DUOX2: variants seen among roughly 807,000 people sequenced by gnomAD.
The protein encoded by DUOX2 is dual oxidase 2.
Under a neutral mutation model 183.3 loss-of-function variants are expected in DUOX2, and 185 were observed. The observed-to-expected ratio is 1.01, with a 90% CI of 0.90 to 1.14. The LOEUF (loss-of-function observed/expected upper bound fraction) is 1.14, where lower values mean the gene tolerates loss of function less well. Among genes scored for constraint, DUOX2 ranks in the 50% most tolerant of loss-of-function variants. The probability of loss-of-function intolerance (pLI) is 0.00; values close to 1 mark genes in which losing one functional copy is unlikely to be tolerated. For missense variants in DUOX2, 1,999 were observed against 2,022.9 expected (o/e 0.99, Z 0.23); for synonymous variants, 788 against 812.4 (o/e 0.97, Z 0.51).
rs556008835 is a variant in DUOX2, at chr15:45,094,602, G to C, written c.4485C>G (p.Phe1495Leu). The C allele has an allele frequency of 1.2e-6, 2 of 1,614,034 alleles. No individual in the cohort carries two copies. Among genetic ancestry groups the C allele is most frequent in the East Asian group, 4.5e-5 (2 of 44,872 alleles). Residue 1495 changes from phenylalanine to leucine, a missense_variant, in exon 33 of 34, where the codon TTC becomes TTG. By Grantham distance (22) the Phe-to-Leu change is conservative. Coordinates refer to ENST00000389039, the MANE Select transcript of DUOX2 (RefSeq NM_001363711.2). The stretch of plus-strand genomic sequence containing the variant: ...CCTGCAGGGAGTTGAAGAAGGGCTC[G>C]AAGGGGGGACGGCCAAAGTGGGTGA... ...RSITHFGRPP[F>L]EPFFNSLQEV...
At position 45,108,142 on chromosome 15, in the gene DUOX2, AT is replaced by A. The variant is rs751410726; in HGVS notation, c.1478del (p.His493LeufsTer93). On this transcript the variant is annotated frameshift_variant, in exon 13 of 34. Transcript: ENST00000389039. LOFTEE classifies it high-confidence loss of function. ...ELLLGGLLES[H>X]GDPGPLFSAI... ...CACTGAACAGGGGTCCAGGGTCCCC[AT>A]GGCTCTCCAGGAGCCCCCCAAGGAG... 2.5e-6 allele frequency: 4 copies of A among 1,614,122 alleles called. No homozygotes were observed. In the Admixed American group the frequency reaches 6.7e-5, roughly 27 times the overall value.
chr15:45,108,433 A>G, intron 12 of DUOX2: 1 of 625,670 alleles, frequency 1.6e-6, no homozygotes, highest in Non-Finnish European at 2.8e-6. Context: ...CAGGTGCCCT[A>G]GGACCATATC....
At chr15:45,101,724 C>A in intron 21 of DUOX2, 69 bp downstream of exon 21, 1 of 1,602,152 alleles carries the variant, frequency 6.2e-7, no homozygotes, top group Non-Finnish European at 8.6e-7. Flanking sequence ...CTGGGTCCTG[C>A]CCACCAGGAA....
At chr15:45,106,103 G>A (rs1410512966) in intron 17 of DUOX2, 22 bp downstream of exon 17, 1 of 1,613,580 alleles carries the variant, frequency 6.2e-7, no homozygotes, top group Non-Finnish European at 8.5e-7. Flanking sequence ...AGCCCAGGCT[G>A]GGGAGGCAGG....
At chr15:45,098,535 G>T (rs1893968557) in intron 26 of DUOX2, among the ~76,000 whole-genome samples, 1 of 152,204 alleles carries the variant, frequency 6.6e-6, no homozygotes, top group Non-Finnish European at 1.5e-5. Flanking sequence ...GGCAAGCTGT[G>T]TGTCAGGTAT....
chr15:45,096,796 C>T (rs972317409), intron 29 of DUOX2, among the ~76,000 whole-genome samples: 11 of 152,146 alleles, frequency 7.2e-5, no homozygotes, highest in Admixed American at 6.5e-4. Flanking sequence ...TCATCTTTTG[C>T]CACCCTCTAT....
intron 25 of DUOX2, 79 bp from the exon 26 acceptor site, chr15:45,099,561 G>C: frequency 6.3e-7 from 1 of 1,580,628 alleles, no homozygotes; most frequent in Non-Finnish European, 8.7e-7. Flanking sequence ...GGAGGCATAG[G>C]GAGGAGAGAT....
At chr15:45,113,591 C>T (rs563716283) in intron 1 of DUOX2, 166 bp from the exon 2 acceptor site, 22 of 638,990 alleles carry the variant, frequency 3.4e-5, no homozygotes, top group African/African-American at 2.7e-4. Context: ...TTCATCCAAA[C>T]GCCACTCTTT....
In DUOX2 at chr15:45,094,972, C is replaced by T. The variant is rs763844346; in HGVS notation, c.4359G>A (p.Gln1453=). The T allele has an allele frequency of 6.2e-7, 1 of 1,614,194 alleles. No individual in the cohort carries two copies. The highest frequency in any genetic ancestry group is 1.7e-5 in the Admixed American group (1 of 60,028). ...DLVSVHIYVT[Q]LAEKFDLRTT... ...TCCTGAGGTCGAACTTCTCAGCCAG[C>T]TGGGTGACATAAATGTGCACAGACA... Residue 1453 remains glutamine, a synonymous_variant, in exon 32 of 34, where the codon CAG becomes CAA. Transcript: ENST00000389039.
intron 10 of DUOX2, 23 bp from the exon 11 acceptor site, chr15:45,109,649 A>C: frequency 6.2e-7 from 1 of 1,611,552 alleles, no homozygotes; most frequent in Non-Finnish European, 8.5e-7. Context: ...AATGCACTCA[A>C]GATAGGCCTC....
At position 45,093,910 on chromosome 15, in the gene DUOX2, C is replaced by T. The variant is rs910502137; in HGVS notation, c.*240G>A. ...GTCTGGAGGGCTGCAGGAATGGTGCCGTTGATAAACAGGTGGACTTATAAT... is the reference window on the plus strand; with the variant it reads ...GTCTGGAGGGCTGCAGGAATGGTGCTGTTGATAAACAGGTGGACTTATAAT... On this transcript the variant is annotated 3_prime_UTR_variant, in exon 34 of 34. Coordinates refer to ENST00000389039, the MANE Select transcript of DUOX2 (RefSeq NM_001363711.2). The T allele has an allele frequency of 1.1e-5, 6 of 528,398 alleles. No homozygotes were observed. The highest frequency in any genetic ancestry group is 3.1e-5 in the Admixed American group (1 of 32,000). 32.7% of individuals were successfully genotyped at this position (528,398 alleles called of 1,614,324 possible).
chr15:45,107,086 C>T lies in DUOX2; in HGVS notation c.1694-117G>A, dbSNP rs1323816300. On this transcript the variant is annotated intron_variant, in intron 14 of 33. Transcript: ENST00000389039. ...TCATCTGTCTTCCCCAGGCCCACCT[C>T]CCTGAAACTGTCTCCCTCAAAAAGT... 8.3e-5 allele frequency: 119 copies of T among 1,439,388 alleles called. 1 individual carries two copies. Among genetic ancestry groups the T allele is most frequent in the Non-Finnish European group, 1.0e-4 (108 of 1,046,084 alleles). 89.2% of individuals were successfully genotyped at this position (1,439,388 alleles called of 1,614,324 possible).
chr15:45,101,676 T>G lies in DUOX2; in HGVS notation c.2851+117A>C, dbSNP rs1465803305. 3.0e-6 allele frequency: 4 copies of G among 1,350,192 alleles called. No homozygotes were observed. In the East Asian group the frequency reaches 9.4e-5, roughly 32 times the overall value. The allele number at this position is 1,350,192 out of a possible 1,614,324, so 83.6% of individuals were successfully genotyped here. On this transcript the variant is annotated intron_variant, in intron 21 of 33. Coordinates refer to ENST00000389039, the MANE Select transcript of DUOX2 (RefSeq NM_001363711.2). ...GCCATCCCAATTACATGTGCTTGGT[T>G]CTATACTAGGTACCAAGGACTCAGA...
In DUOX2 at chr15:45,111,092, C is replaced by A. The variant is rs1315902902; in HGVS notation, c.882+19G>T. ...CTTGCACGCGGAAGGGAGGACGTCG[C>A]GGGGCGCGGACGGCTGACCTGGTAG... On this transcript the variant is annotated intron_variant, in intron 7 of 33. Coordinates refer to ENST00000389039, the MANE Select transcript of DUOX2 (RefSeq NM_001363711.2). The A allele has an allele frequency of 3.2e-6, 3 of 946,294 alleles. No homozygotes were observed. In the African/African-American group the frequency reaches 5.2e-5, roughly 16 times the overall value. 58.6% of individuals were successfully genotyped at this position (946,294 alleles called of 1,614,324 possible).
chr15:45,104,218 A>G lies in DUOX2; in HGVS notation c.2482T>C (p.Phe828Leu). ...TTGCCATCCTTGTCAGCCAGAGAGA[A>G]CATGGACTCCACAAACATGTCCTGG... ...KPQDMFVESM[F>L]SLADKDGNGY... Residue 828 changes from phenylalanine to leucine, a missense_variant, in exon 19 of 34, where the codon TTC (phenylalanine) becomes CTC (leucine). Phe to Leu is a conservative substitution (Grantham distance 22, BLOSUM62 0). Around this residue, in one of 3 missense-constraint regions of DUOX2, gnomAD observed 1,628 missense variants for 1,608.6 expected, o/e 1.01. Coordinates refer to ENST00000389039, the MANE Select transcript of DUOX2 (RefSeq NM_001363711.2). 1 of 1,614,110 alleles carries G rather than the reference A, an allele frequency of 6.2e-7. No individual in the cohort carries two copies. The highest frequency in any genetic ancestry group is 1.1e-5 in the South Asian group (1 of 91,058).
chr15:45,105,954 AGG>A, intron 17 of DUOX2, 126 bp from the exon 18 acceptor site: 1 of 1,413,704 alleles, frequency 7.1e-7, no homozygotes. Flanking sequence ...GGCTGGGGCC[AGG>A]TGTGTGGACG....
intron 32 of DUOX2, 35 bp downstream of exon 32, chr15:45,094,901 C>A (rs756801406): frequency 1.1e-5 from 18 of 1,612,498 alleles, no homozygotes; most frequent in Non-Finnish European, 1.5e-5. Context: ...TCCATCTGCC[C>A]GCCAAGTTGC....
At position 45,106,850 on chromosome 15, in the gene DUOX2, G is replaced by C. The variant is rs1166952195; in HGVS notation, c.1813C>G (p.Leu605Val). 6.3e-7 allele frequency: 1 copy of C among 1,593,396 alleles called. No homozygotes were observed. Among genetic ancestry groups the C allele is most frequent in the Non-Finnish European group, 8.5e-7 (1 of 1,170,832 alleles). The change falls in exon 15 of 34, where the codon CTC becomes GTC. Residue 605 changes from leucine (L) to valine (V), a missense_variant. Transcript: ENST00000389039. ...SPGFAITIIALCCLPLVSLLL... is the reference protein window; with the variant it reads ...SPGFAITIIAVCCLPLVSLLL... The stretch of plus-strand genomic sequence containing the variant: ...AGCTCACCTAAGGGAAGGCAGCAGA[G>C]AGCAATGATGGTGATGGCAAAACCA...
chr15:45,113,200 C>A (rs943463483), intron 2 of DUOX2, 124 bp from the exon 3 acceptor site: 4 of 1,440,334 alleles, frequency 2.8e-6, no homozygotes, highest in Non-Finnish European at 3.8e-6. Context: ...AGTGTCGGGC[C>A]GCACTGGGAA....
Sources: gnomAD v4.1 joint callset for allele counts (sites outside exome capture counted in the v4.1 genomes callset) on GRCh38, gnomAD v4.1.1 for gene constraint, gnomAD v4.1.1 regional missense constraint, MANE v1.5 for transcripts, NCBI Gene and HGNC (gene_info 2026-07-23, HGNC 2026-07-21) for gene names.